The following PDE1C variants were observed in gnomAD, a reference collection of about 807,000 sequenced individuals.
PDE1C encodes dual specificity calcium/calmodulin-dependent 3',5'-cyclic nucleotide phosphodiesterase 1C.
A neutral mutation model predicts 93.1 loss-of-function variants in PDE1C; 62 were observed. That is an observed-to-expected ratio of 0.67 (90% confidence interval 0.54 to 0.82). The LOEUF (loss-of-function observed/expected upper bound fraction) is 0.82. Among genes scored for constraint, PDE1C ranks in the 40% least tolerant of loss-of-function variants. The pLI, the probability that PDE1C is intolerant of heterozygous loss-of-function variation, is 0.00. For missense variants in PDE1C, 742 were observed against 884.6 expected (o/e 0.84, Z 2.04); for synonymous variants, 325 against 310.1 (o/e 1.05, Z -0.50).
intron 1 of PDE1C, among the ~76,000 whole-genome samples, chr7:32,397,495 G>C (rs60652094): frequency 0.041 from 6,264 of 152,178 alleles, 313 homozygotes; most frequent in African/African-American, 0.12. Context: ...TTCAGCTCTT[G>C]TAGAGGAGAA....
intron 3 of PDE1C, among the ~76,000 whole-genome samples, chr7:32,164,530 A>G (rs1476257250): frequency 6.6e-6 from 1 of 152,076 alleles, no homozygotes. Context: ...CTTGGTTGAA[A>G]TCTCCAGCTC....
chr7:32,361,738 T>C (rs1280929525), intron 1 of PDE1C, among the ~76,000 whole-genome samples: 2 of 152,230 alleles, frequency 1.3e-5, no homozygotes, highest in East Asian at 3.9e-4. Context: ...ACTTTGTACA[T>C]CTCTTTCTCA....
At chr7:31,642,845 C>T in the PDE1C span, 8 of 1,614,008 alleles carry the variant, frequency 5.0e-6, no homozygotes, top group Middle Eastern at 8.2e-4. Context: ...GAAGCGAATG[C>T]CTTGGAACAA....
At chr7:31,862,860 ACAAG>A (rs1331993574) in intron 7 of PDE1C, among the ~76,000 whole-genome samples, 4 of 152,144 alleles carry the variant, frequency 2.6e-5, no homozygotes, top group Non-Finnish European at 4.4e-5. Context: ...CTATTTTTTC[ACAAG>A]CAGCACATGC....
chr7:31,823,705 C>T (rs1284585917), intron 13 of PDE1C, among the ~76,000 whole-genome samples: 2 of 152,060 alleles, frequency 1.3e-5, no homozygotes, highest in Non-Finnish European at 2.9e-5. Context: ...CTTTCTGATC[C>T]CAGCATACCC....
intron 3 of PDE1C, among the ~76,000 whole-genome samples, chr7:32,135,216 G>C (rs1207880167): frequency 6.6e-6 from 1 of 152,138 alleles, no homozygotes; most frequent in Admixed American, 6.5e-5. Flanking sequence ...GCATTTACCA[G>C]AACTCCTCTC....
At chr7:32,015,247 T>C (rs902044265) in intron 2 of PDE1C, among the ~76,000 whole-genome samples, 6 of 151,374 alleles carry the variant, frequency 4.0e-5, no homozygotes, top group Non-Finnish European at 5.9e-5. Flanking sequence ...AGTATGAAAA[T>C]GGACTAATAT....
At chr7:32,233,784 A>G (rs1360615353) in intron 1 of PDE1C, among the ~76,000 whole-genome samples, 5 of 152,104 alleles carry the variant, frequency 3.3e-5, no homozygotes, top group African/African-American at 1.2e-4. Context: ...TTAACCAGAA[A>G]ATTAGCAAGA....
At chr7:32,143,433 A>G (rs948047735) in intron 3 of PDE1C, among the ~76,000 whole-genome samples, 6 of 151,830 alleles carry the variant, frequency 4.0e-5, no homozygotes, top group African/African-American at 1.5e-4. Context: ...CAGACATCCC[A>G]TCAGCTATGC....
chr7:31,906,358 C>T (rs1583895117), intron 2 of PDE1C, among the ~76,000 whole-genome samples: 1 of 152,142 alleles, frequency 6.6e-6, no homozygotes. Flanking sequence ...CCTAATAATT[C>T]TCAAGAGCAT....
intron 1 of PDE1C, among the ~76,000 whole-genome samples, chr7:32,296,008 T>C (rs1427668960): frequency 1.3e-5 from 2 of 152,128 alleles, no homozygotes; most frequent in African/African-American, 4.8e-5. Context: ...CAATAGGAAG[T>C]TGATTTTTTA....
intron 1 of PDE1C, among the ~76,000 whole-genome samples, chr7:32,063,111 TAG>T (rs1017638952): frequency 2.0e-5 from 3 of 152,176 alleles, no homozygotes; most frequent in African/African-American, 7.2e-5. Context: ...CCTCCAGAAA[TAG>T]AGTGTTGCAT....
intron 1 of PDE1C, among the ~76,000 whole-genome samples, chr7:32,297,025 G>A (rs1812638249): frequency 6.6e-6 from 1 of 152,138 alleles, no homozygotes. Context: ...TTTCTGATGG[G>A]GATGGAGAGT....
chr7:31,917,726 T>C (rs948719617), intron 2 of PDE1C, among the ~76,000 whole-genome samples: 7 of 152,210 alleles, frequency 4.6e-5, no homozygotes, highest in Admixed American at 3.9e-4. Context: ...TATTGGTCCA[T>C]GCTTCATAAT....
the PDE1C span, among the ~76,000 whole-genome samples, chr7:31,657,095 T>A: frequency 2.5e-4 from 1 of 3,944 alleles, no homozygotes; most frequent in Non-Finnish European, 5.5e-4. Context: ...TTATATATGA[T>A]ATATATAAAA....
chr7:32,045,845 C>T (rs988356079), intron 2 of PDE1C, among the ~76,000 whole-genome samples: 19 of 152,206 alleles, frequency 1.2e-4, no homozygotes, highest in African/African-American at 3.6e-4. Context: ...GATAACCACT[C>T]GCCTTCCCTC....
At chr7:32,421,817 T>A (rs1785437803) in intron 1 of PDE1C, among the ~76,000 whole-genome samples, 1 of 152,154 alleles carries the variant, frequency 6.6e-6, no homozygotes, top group Non-Finnish European at 1.5e-5. Context: ...GTCTAGGGGC[T>A]TTATAAGCTG....
intron 2 of PDE1C, among the ~76,000 whole-genome samples, chr7:31,990,513 A>G (rs559794236): frequency 6.6e-6 from 1 of 152,358 alleles, no homozygotes; most frequent in East Asian, 1.9e-4. Flanking sequence ...GGAATGGGCT[A>G]GGTTAGACTT....
At chr7:31,704,302 G>T in the PDE1C span, among the ~76,000 whole-genome samples, 4 of 152,032 alleles carry the variant, frequency 2.6e-5, no homozygotes, top group Non-Finnish European at 4.4e-5. Context: ...CCCTGAGACC[G>T]CAATGTAATG....
Sources: allele counts gnomAD v4.1 joint callset (sites outside exome capture counted in the v4.1 genomes callset), GRCh38; gene constraint gnomAD v4.1.1; transcripts MANE v1.5; gene names NCBI Gene and HGNC (gene_info 2026-07-23, HGNC 2026-07-21).